Variants in GALNT13 observed in about 807,000 individuals in gnomAD.
The protein encoded by GALNT13 is UDP-GalNAc:polypeptide N-acetylgalactosaminyltransferase 13.
A neutral mutation model predicts 64.2 loss-of-function variants in GALNT13; 28 were observed. The observed-to-expected ratio is 0.44, with a 90% confidence interval of 0.32 to 0.60. The LOEUF (loss-of-function observed/expected upper bound fraction) is 0.60, where lower values mean the gene tolerates loss of function less well. Ranked by LOEUF, GALNT13 falls within the 20% of genes least tolerant of loss-of-function variation. The pLI is 0.05. For synonymous variants in GALNT13, 214 were observed against 224.6 expected, an observed-to-expected ratio of 0.95 and a Z score of 0.42; for missense variants, 577 against 669.8, an observed-to-expected ratio of 0.86 and a Z score of 1.53.
rs375963398 is a variant in GALNT13 at position 154,197,453 on chromosome 2, T to C, written c.312-44577T>C. 4.6e-5 allele frequency among the ~76,000 whole-genome samples: 7 copies of C among 152,224 alleles called. No homozygotes were observed. In the East Asian group the frequency reaches 1.4e-3, roughly 29 times the overall value. ...TTTCAATCAACTGAGCTCATAAAGT[T>C]GACTTTCCCTATTCCAAAAGAGTCT... On this transcript the variant is annotated intron_variant, in intron 4 of 12. Coordinates refer to ENST00000392825, the MANE Select transcript of GALNT13 (RefSeq NM_052917.4).
chr2:153,230,272 C>T, the GALNT13 span, among the ~76,000 whole-genome samples: 101 of 152,176 alleles, frequency 6.6e-4, no homozygotes, highest in Middle Eastern at 3.4e-3. Context: ...TCTTATAGAG[C>T]GACAAAGAAT....
the GALNT13 span, among the ~76,000 whole-genome samples, chr2:153,326,140 G>T: frequency 6.6e-6 from 1 of 152,134 alleles, no homozygotes; most frequent in Non-Finnish European, 1.5e-5. Flanking sequence ...CCAAGAACTT[G>T]CTTTATGAAT....
chr2:153,178,182 T>A, the GALNT13 span, among the ~76,000 whole-genome samples: 1 of 152,218 alleles, frequency 6.6e-6, no homozygotes, highest in African/African-American at 2.4e-5. Context: ...AGTACAGATA[T>A]CTCTTTGACA....
chr2:154,155,015 T>C (rs967391805), intron 4 of GALNT13, among the ~76,000 whole-genome samples: 1 of 151,812 alleles, frequency 6.6e-6, no homozygotes, highest in African/African-American at 2.4e-5. Context: ...ACTTTTAATA[T>C]GGATAGTAGA....
chr2:153,765,829 A>G, the GALNT13 span, among the ~76,000 whole-genome samples: 2 of 152,094 alleles, frequency 1.3e-5, no homozygotes, highest in South Asian at 4.2e-4. Context: ...TATTGTTCTA[A>G]TTGTAGTCAG....
chr2:154,070,276 T>G (rs1700674157), intron 3 of GALNT13, among the ~76,000 whole-genome samples: 1 of 152,122 alleles, frequency 6.6e-6, no homozygotes, highest in African/African-American at 2.4e-5. Flanking sequence ...GCTTCCTTAT[T>G]ACTAAACATG....
At chr2:153,564,258 A>C in the GALNT13 span, among the ~76,000 whole-genome samples, 1 of 151,932 alleles carries the variant, frequency 6.6e-6, no homozygotes, top group Non-Finnish European at 1.5e-5. Flanking sequence ...TTAAAAGTGC[A>C]TCTATACTTT....
intron 4 of GALNT13, among the ~76,000 whole-genome samples, chr2:154,142,794 A>G (rs1683334626): frequency 6.6e-6 from 1 of 151,866 alleles, no homozygotes. Flanking sequence ...TATTATGTAA[A>G]AATAATTTTA....
the GALNT13 span, among the ~76,000 whole-genome samples, chr2:153,617,789 G>A: frequency 6.6e-6 from 1 of 151,748 alleles, no homozygotes; most frequent in Admixed American, 6.6e-5. Context: ...TTGTTAGGCT[G>A]TATGTGTCCA....
At chr2:153,846,293 G>A in the GALNT13 span, among the ~76,000 whole-genome samples, 1 of 152,092 alleles carries the variant, frequency 6.6e-6, no homozygotes, top group Non-Finnish European at 1.5e-5. Context: ...ACAGAGGACT[G>A]TAATATACAC....
At chr2:153,245,498 T>C in the GALNT13 span, among the ~76,000 whole-genome samples, 12 of 152,122 alleles carry the variant, frequency 7.9e-5, no homozygotes, top group Non-Finnish European at 1.6e-4. Flanking sequence ...AGGTGAACAG[T>C]GTCTGGAATG....
At chr2:153,428,318 G>A in the GALNT13 span, among the ~76,000 whole-genome samples, 2 of 152,234 alleles carry the variant, frequency 1.3e-5, no homozygotes, top group South Asian at 4.1e-4. Flanking sequence ...GGCAAAGGGG[G>A]AGCAAGTGTG....
the GALNT13 span, among the ~76,000 whole-genome samples, chr2:153,224,029 T>C: frequency 6.6e-6 from 1 of 151,914 alleles, no homozygotes; most frequent in Non-Finnish European, 1.5e-5. Context: ...AAGCAGTGCT[T>C]AAAGGGAAAT....
intron 3 of GALNT13, among the ~76,000 whole-genome samples, chr2:153,976,441 C>A (rs1387705445): frequency 6.6e-6 from 1 of 152,092 alleles, no homozygotes; most frequent in East Asian, 1.9e-4. Context: ...TCACAAATTT[C>A]AAGCCTTATA....
intron 9 of GALNT13, among the ~76,000 whole-genome samples, chr2:154,360,200 T>C (rs1159480769): frequency 1.3e-5 from 2 of 152,206 alleles, no homozygotes; most frequent in African/African-American, 4.8e-5. Context: ...TTAATCACTG[T>C]ACTGCTCACA....
chr2:154,023,286 G>A (rs1358736036), intron 3 of GALNT13, among the ~76,000 whole-genome samples: 5 of 152,214 alleles, frequency 3.3e-5, no homozygotes, highest in Non-Finnish European at 7.3e-5. Context: ...AATGTTGACA[G>A]TGGGGTGTTA....
At chr2:154,275,114 A>G (rs1383326681) in intron 8 of GALNT13, among the ~76,000 whole-genome samples, 1 of 152,154 alleles carries the variant, frequency 6.6e-6, no homozygotes, top group Admixed American at 6.6e-5. Context: ...GCCGCAGACC[A>G]TTTAAGAAGA....
the GALNT13 span, among the ~76,000 whole-genome samples, chr2:153,413,266 G>A: frequency 8.5e-4 from 129 of 152,172 alleles, no homozygotes; most frequent in Non-Finnish European, 1.6e-3. Flanking sequence ...GGATTGTATC[G>A]ATACTATCTA....
At chr2:153,975,203 A>C (rs916769707) in intron 3 of GALNT13, among the ~76,000 whole-genome samples, 1 of 152,084 alleles carries the variant, frequency 6.6e-6, no homozygotes, top group Non-Finnish European at 1.5e-5. Flanking sequence ...TGGCCTTCTT[A>C]TCATGCCTTC....
Sources: allele counts gnomAD v4.1 joint callset (sites outside exome capture counted in the v4.1 genomes callset), GRCh38; gene constraint gnomAD v4.1.1; transcripts MANE v1.5; gene names NCBI Gene and HGNC (gene_info 2026-07-23, HGNC 2026-07-21).